SORCS2: variants seen among roughly 807,000 people sequenced by gnomAD.
SORCS2 encodes the protein sortilin related VPS10 domain containing receptor 2, also known as VPS10 domain-containing receptor SorCS2.
In SORCS2, 100 loss-of-function variants were observed where a neutral mutation model predicts 141.6. The observed-to-expected ratio is 0.71, with a 90% CI of 0.60 to 0.83. The LOEUF is 0.83. Ranked by LOEUF, SORCS2 falls within the 40% of genes least tolerant of loss-of-function variation. The pLI is 0.00. For missense variants in SORCS2, 1,646 were observed against 1,560.2 expected, an observed-to-expected ratio of 1.05 and a Z score of -0.93; for synonymous variants, 789 against 676.9, an observed-to-expected ratio of 1.17 and a Z score of -2.57.
At chr4:7,724,900 GGTGATAGTATTGGTGGGA>G (rs1727068317) in intron 19 of SORCS2, among the ~76,000 whole-genome samples, 6 of 112,910 alleles carry the variant, frequency 5.3e-5, no homozygotes, top group African/African-American at 2.0e-4. Flanking sequence ...TGGTGATGGT[GGTGATAGTATTGGTGGGA>G]ATGGATGGTG....
rs200061927 is a variant in SORCS2, at chr4:7,604,002, CTGT to C, written c.649-34322_649-34320del. Among the ~76,000 whole-genome samples, 936 of 151,962 alleles carry C rather than the reference CTGT, an allele frequency of 6.2e-3. 14 individuals carry two copies. The highest frequency in any genetic ancestry group is 0.022 in the African/African-American group (900 of 41,312). ...ATGTGTGACTATGTTGCGTGTGACT[CTGT>C]TGTGTGTTTGTTGTGTGTTGTGTGT... On this transcript the variant is annotated intron_variant, in intron 3 of 26. Transcript: ENST00000507866.
intron 4 of SORCS2, among the ~76,000 whole-genome samples, chr4:7,650,438 G>A (rs1197216500): frequency 1.3e-5 from 2 of 152,216 alleles, no homozygotes; most frequent in Non-Finnish European, 2.9e-5. Context: ...CAAAGCGGGA[G>A]GCCAGATTCC....
intron 3 of SORCS2, among the ~76,000 whole-genome samples, chr4:7,573,077 G>C (rs568476426): frequency 6.6e-6 from 1 of 152,194 alleles, no homozygotes; most frequent in East Asian, 1.9e-4. Context: ...TTTTGAAAAT[G>C]TAAGGTGAGT....
intron 3 of SORCS2, among the ~76,000 whole-genome samples, chr4:7,596,137 T>A (rs766979833): frequency 6.6e-6 from 1 of 152,158 alleles, no homozygotes; most frequent in Non-Finnish European, 1.5e-5. Context: ...TCGGAAGACA[T>A]AAGACAATGC....
chr4:7,199,622 G>A (rs1226829978), intron 1 of SORCS2, among the ~76,000 whole-genome samples: 1 of 151,944 alleles, frequency 6.6e-6, no homozygotes, highest in Non-Finnish European at 1.5e-5. Flanking sequence ...GCCTGGGTGG[G>A]GCGGGCCGCT....
At chr4:7,232,457 G>A (rs1195106825) in intron 1 of SORCS2, among the ~76,000 whole-genome samples, 2 of 152,166 alleles carry the variant, frequency 1.3e-5, no homozygotes, top group Non-Finnish European at 2.9e-5. Flanking sequence ...GCCTCATTAT[G>A]TCACCCCCCA....
At chr4:7,550,245 C>A (rs1304772918) in intron 3 of SORCS2, among the ~76,000 whole-genome samples, 1 of 152,064 alleles carries the variant, frequency 6.6e-6, no homozygotes, top group Non-Finnish European at 1.5e-5. Flanking sequence ...ACTGTGCTAT[C>A]AGGGAGCTTG....
At chr4:7,385,634 C>G (rs936568235) in intron 1 of SORCS2, among the ~76,000 whole-genome samples, 10 of 152,192 alleles carry the variant, frequency 6.6e-5, no homozygotes, top group African/African-American at 2.4e-4. Flanking sequence ...CATTGGGAAG[C>G]AAAGCTGGGC....
At chr4:7,578,896 C>A (rs149412363) in intron 3 of SORCS2, among the ~76,000 whole-genome samples, 1 of 152,192 alleles carries the variant, frequency 6.6e-6, no homozygotes, top group Non-Finnish European at 1.5e-5. Flanking sequence ...CCACCTTATC[C>A]CTAAGTTTAC....
chr4:7,727,300 C>G (rs1317429187), intron 21 of SORCS2, among the ~76,000 whole-genome samples: 2 of 152,188 alleles, frequency 1.3e-5, no homozygotes, highest in Non-Finnish European at 2.9e-5. Flanking sequence ...TTAAAGAGGA[C>G]TCCTGTCTAG....
chr4:7,717,014 G>C (rs1157118681), intron 17 of SORCS2, among the ~76,000 whole-genome samples: 2 of 152,270 alleles, frequency 1.3e-5, no homozygotes, highest in African/African-American at 4.8e-5. Flanking sequence ...GGGGGGATCA[G>C]CCTTGGGGAG....
intron 3 of SORCS2, 68 bp downstream of exon 3, chr4:7,531,697 G>A: frequency 6.8e-7 from 1 of 1,480,370 alleles, no homozygotes; most frequent in Non-Finnish European, 9.3e-7. Flanking sequence ...GCAGAGCAAG[G>A]AAGCTGCTGC....
intron 1 of SORCS2, among the ~76,000 whole-genome samples, chr4:7,329,775 A>G (rs1719526809): frequency 6.6e-6 from 1 of 152,230 alleles, no homozygotes; most frequent in African/African-American, 2.4e-5. Context: ...TCCATCCTGC[A>G]GAAACTGTAC....
rs141386845 is a variant in SORCS2, at chr4:7,266,551, T to C, written c.480+73425T>C. On this transcript the variant is annotated intron_variant, in intron 1 of 26. Coordinates refer to ENST00000507866, the MANE Select transcript of SORCS2 (RefSeq NM_020777.3). ...AACAGTAGTTCCTACCCAAAGCATCTGGGGCCCCTGTCTTTACTCTCTCCA... is the reference window on the plus strand; with the variant it reads ...AACAGTAGTTCCTACCCAAAGCATCCGGGGCCCCTGTCTTTACTCTCTCCA... Among the ~76,000 whole-genome samples, 699 of 152,308 alleles carry C rather than the reference T, an allele frequency of 4.6e-3. 6 individuals are homozygous for C. Among genetic ancestry groups the C allele is most frequent in the South Asian group, 0.014 (67 of 4,826 alleles).
At chr4:7,465,303 C>T (rs1372430681) in intron 2 of SORCS2, among the ~76,000 whole-genome samples, 1 of 152,222 alleles carries the variant, frequency 6.6e-6, no homozygotes, top group Non-Finnish European at 1.5e-5. Flanking sequence ...ACTGTTAATA[C>T]TGCTTTTCCT....
intron 1 of SORCS2, among the ~76,000 whole-genome samples, chr4:7,390,436 C>T (rs555171445): frequency 2.6e-5 from 4 of 152,280 alleles, no homozygotes; most frequent in South Asian, 2.1e-4. Context: ...TTTGAAGAGG[C>T]GATGCCGAGT....
chr4:7,723,555 G>C (rs1452224537), intron 18 of SORCS2, 142 bp from the exon 19 acceptor site: 18 of 914,304 alleles, frequency 2.0e-5, no homozygotes, highest in African/African-American at 3.3e-5. Context: ...CCGGTCTCCT[G>C]TGGGTCCCCA....
rs745547507 is a variant in SORCS2 at position 7,723,726 on chromosome 4, A to G, written c.2454A>G (p.Val818=). 7 of 1,613,906 alleles carry G rather than the reference A, an allele frequency of 4.3e-6. No homozygotes were observed. In the African/African-American group the frequency reaches 9.3e-5, roughly 22 times the overall value. Reference sequence around the variant, plus strand: ...ATGTCCTGACTACCAAGTACCAGGTAGACCTTGGGGACGGCTTCAAGGCCA... The same window carrying G: ...ATGTCCTGACTACCAAGTACCAGGTGGACCTTGGGGACGGCTTCAAGGCCA... ...QGDVLTTKYQ[V]DLGDGFKAMY... is the part of the protein sequence containing the mutation. The change falls in exon 19 of 27, where the codon GTA becomes GTG. Residue 818 remains valine, a synonymous_variant. Coordinates refer to ENST00000507866, the MANE Select transcript of SORCS2 (RefSeq NM_020777.3).
At chr4:7,715,108 G>A in intron 16 of SORCS2, 75 bp from the exon 17 acceptor site, 2 of 1,586,802 alleles carry the variant, frequency 1.3e-6, no homozygotes, top group South Asian at 2.3e-5. Context: ...AGCTCCCCCA[G>A]ATTTCACCCC....
Sources: allele counts gnomAD v4.1 joint callset (sites outside exome capture counted in the v4.1 genomes callset), GRCh38; gene constraint gnomAD v4.1.1; transcripts MANE v1.5; gene names NCBI Gene and HGNC (gene_info 2026-07-23, HGNC 2026-07-21).